Variants in SEC23A observed in about 807,000 individuals in gnomAD.
SEC23A encodes SEC23 homolog A, COPII component, also known as protein transport protein Sec23A.
SEC23A carries 56 observed loss-of-function variants against 103.7 expected under a neutral mutation model. The observed-to-expected ratio is 0.54, with a 90% CI of 0.44 to 0.67. The LOEUF is 0.67. SEC23A is among the 30% of genes least tolerant of loss of function. The pLI, the probability that SEC23A is intolerant of heterozygous loss-of-function variation, is 0.00. For missense variants in SEC23A, 784 were observed against 936.4 expected (o/e 0.84, Z 2.12); for synonymous variants, 281 against 293.0 (o/e 0.96, Z 0.42).
intron 9 of SEC23A, among the ~76,000 whole-genome samples, chr14:39,068,060 A>G (rs945508813): frequency 1.3e-5 from 2 of 152,206 alleles, no homozygotes; most frequent in Non-Finnish European, 2.9e-5. Flanking sequence ...CAAGCAAATG[A>G]GAATGGAAGA....
intron 13 of SEC23A, among the ~76,000 whole-genome samples, chr14:39,060,884 A>C (rs1010108209): frequency 6.6e-6 from 1 of 152,182 alleles, no homozygotes; most frequent in African/African-American, 2.4e-5. Flanking sequence ...CTATATCAAT[A>C]AATTAGAACA....
At chr14:39,066,488 TTTA>T (rs1886672931) in intron 10 of SEC23A, among the ~76,000 whole-genome samples, 2 of 148,062 alleles carry the variant, frequency 1.4e-5, no homozygotes, top group Non-Finnish European at 2.9e-5. Context: ...CTTTTTTTTT[TTTA>T]AAAAAAACAG....
intron 16 of SEC23A, among the ~76,000 whole-genome samples, chr14:39,044,563 CT>C (rs1330365740): frequency 6.6e-6 from 1 of 152,064 alleles, no homozygotes; most frequent in East Asian, 1.9e-4. Context: ...TAACTACACA[CT>C]TTTAAGTAGT....
At chr14:39,060,384 A>G (rs1172549649) in intron 13 of SEC23A, among the ~76,000 whole-genome samples, 2 of 152,196 alleles carry the variant, frequency 1.3e-5, no homozygotes, top group Admixed American at 1.3e-4. Flanking sequence ...GTTCATGTCC[A>G]TCACTCAACA....
At chr14:39,093,684 C>T (rs1887742701) in intron 2 of SEC23A, among the ~76,000 whole-genome samples, 1 of 152,038 alleles carries the variant, frequency 6.6e-6, no homozygotes, top group Non-Finnish European at 1.5e-5. Flanking sequence ...TCATCTGAGC[C>T]CAGGTGGTCA....
intron 7 of SEC23A, among the ~76,000 whole-genome samples, chr14:39,078,424 C>T (rs1271841033): frequency 6.6e-6 from 1 of 152,006 alleles, no homozygotes; most frequent in African/African-American, 2.4e-5. Context: ...GGAGGATGCC[C>T]AAAAAGCTCC....
chr14:39,094,417 T>C (rs1566514980), intron 2 of SEC23A, among the ~76,000 whole-genome samples: 1 of 56,634 alleles, frequency 1.8e-5, no homozygotes, highest in African/African-American at 1.7e-4. Context: ...TATATATATA[T>C]ATATATATAT....
intron 1 of SEC23A, among the ~76,000 whole-genome samples, chr14:39,098,199 G>A (rs573412362): frequency 6.6e-6 from 1 of 152,216 alleles, no homozygotes; most frequent in Admixed American, 6.6e-5. Context: ...CAAAGGTGTG[G>A]GATATTCAGA....
At chr14:39,080,745 C>G (rs1169321878) in intron 7 of SEC23A, among the ~76,000 whole-genome samples, 1 of 151,994 alleles carries the variant, frequency 6.6e-6, no homozygotes, top group Admixed American at 6.6e-5. Flanking sequence ...AACAAAACTA[C>G]TATTTAAAGC....
chr14:39,092,109 C>T (rs190698839), intron 4 of SEC23A, among the ~76,000 whole-genome samples: 3 of 152,278 alleles, frequency 2.0e-5, no homozygotes, highest in African/African-American at 7.2e-5. Flanking sequence ...AAAGATATTA[C>T]TTCCACAGTA....
intron 6 of SEC23A, 50 bp from the exon 7 acceptor site, chr14:39,085,956 G>C (rs1211755334): frequency 6.7e-7 from 1 of 1,487,154 alleles, no homozygotes; most frequent in South Asian, 1.1e-5. Context: ...TTATGGGTGA[G>C]AGTTCGATAA....
intron 1 of SEC23A, among the ~76,000 whole-genome samples, chr14:39,098,018 G>A (rs1166542489): frequency 6.6e-6 from 1 of 152,060 alleles, no homozygotes; most frequent in Non-Finnish European, 1.5e-5. Context: ...GAACTGGGGG[G>A]GCAGAGGTTG....
intron 1 of SEC23A, among the ~76,000 whole-genome samples, chr14:39,100,330 C>T (rs1485816603): frequency 2.6e-5 from 4 of 152,026 alleles, no homozygotes; most frequent in South Asian, 2.1e-4. Context: ...CTTAAAATCA[C>T]GAATTCAATT....
At chr14:39,063,839 AC>A (rs752819932) in intron 11 of SEC23A, among the ~76,000 whole-genome samples, 7 of 151,670 alleles carry the variant, frequency 4.6e-5, no homozygotes, top group Non-Finnish European at 7.4e-5. Flanking sequence ...TACTAAAAAC[AC>A]AAAAAATCAG....
intron 17 of SEC23A, among the ~76,000 whole-genome samples, chr14:39,042,370 G>A (rs904990456): frequency 2.6e-5 from 4 of 152,170 alleles, no homozygotes; most frequent in Admixed American, 1.3e-4. Context: ...TTTAATTCAT[G>A]TATGCTTTAA....
intron 10 of SEC23A, among the ~76,000 whole-genome samples, chr14:39,065,337 G>C (rs1056499866): frequency 2.0e-5 from 3 of 151,618 alleles, no homozygotes; most frequent in African/African-American, 7.3e-5. Flanking sequence ...TAGAAAATCT[G>C]TCACCAAGAT....
Position 39,056,058 on chromosome 14 carries a change from G to A in SEC23A, c.1506-762C>T, listed in dbSNP as rs186291600. Among the ~76,000 whole-genome samples the A allele has an allele frequency of 1.1e-4, 17 of 152,368 alleles. No individual in the cohort carries two copies. In the East Asian group the frequency reaches 2.7e-3, roughly 24 times the overall value. On this transcript the variant is annotated intron_variant, in intron 13 of 19. Transcript: ENST00000307712. ...TAGCAGGAGTCACACATAAGCCTGA[G>A]TTATGAACCTGTCACAGTTTAATTA...
chr14:39,031,946 T>C lies in SEC23A; in HGVS notation c.*1293A>G, dbSNP rs1885320316. 6.6e-6 allele frequency: 1 copy of C among 152,634 alleles called. No homozygotes were observed. The highest frequency in any genetic ancestry group is 6.5e-5 in the Admixed American group (1 of 15,280). The allele number at this position is 152,634 out of a possible 1,614,324, so 9.5% of individuals were successfully genotyped here. On this transcript the variant is annotated 3_prime_UTR_variant, in exon 20 of 20. Coordinates refer to ENST00000307712, the MANE Select transcript of SEC23A (RefSeq NM_006364.4). ...CAGTGAAAAGTATATTTTATTGGCA[T>C]TTAGGCCTAGCGTAGTTCAATTCAA...
intron 2 of SEC23A, chr14:39,094,803 T>A: frequency 1.9e-6 from 1 of 523,988 alleles, no homozygotes; most frequent in Non-Finnish European, 3.3e-6. Context: ...AGAAAGAGGG[T>A]AACAGGGTTA....
Sources: gnomAD v4.1 joint callset for allele counts (sites outside exome capture counted in the v4.1 genomes callset) on GRCh38, gnomAD v4.1.1 for gene constraint, MANE v1.5 for transcripts, NCBI Gene and HGNC (gene_info 2026-07-23, HGNC 2026-07-21) for gene names.